Variants in CLNS1A observed in about 807,000 individuals in gnomAD.
CLNS1A encodes the protein chloride nucleotide-sensitive channel 1A, also known as methylosome subunit pICln.
CLNS1A carries 16 observed loss-of-function variants against 29.4 expected under a neutral mutation model. The ratio of observed to expected loss-of-function variants is 0.54; its 90% CI spans 0.37 to 0.83. CLNS1A has a LOEUF of 0.83. CLNS1A is among the 40% of genes least tolerant of loss of function. CLNS1A has a pLI of 0.00. For synonymous variants in CLNS1A, 96 were observed against 104.8 expected (o/e 0.92, Z 0.51); for missense variants, 235 against 287.4 (o/e 0.82, Z 1.32).
chr11:77,624,237 C>T (rs1958992203), intron 4 of CLNS1A, among the ~76,000 whole-genome samples: 1 of 152,106 alleles, frequency 6.6e-6, no homozygotes, highest in African/African-American at 2.4e-5. Flanking sequence ...TGCACACCAG[C>T]CTGGGCATCA....
Position 77,619,665 on chromosome 11 carries a change from A to C in CLNS1A, c.677T>G (p.Val226Gly). Residue 226 changes from valine to glycine, a missense_variant, in exon 6 of 7, where the codon GTT (valine) becomes GGT (glycine). Coordinates refer to ENST00000525428, the MANE Select transcript of CLNS1A (RefSeq NM_001293.3). Reference sequence around the variant, plus strand: ...ATCTGCATCCTCAAACTGTCCAGCAACTGTTGGTGTGGTATCCACCTCCAT... The same window carrying C: ...ATCTGCATCCTCAAACTGTCCAGCACCTGTTGGTGTGGTATCCACCTCCAT... ...DGMEVDTTPTVAGQFEDADVD... is the reference protein window; with the variant it reads ...DGMEVDTTPTGAGQFEDADVD... 2 of 1,614,032 alleles carry C rather than the reference A, an allele frequency of 1.2e-6. No individual in the cohort carries two copies. Among genetic ancestry groups the C allele is most frequent in the Non-Finnish European group, 1.7e-6 (2 of 1,179,914 alleles).
rs542059646 is a variant in CLNS1A at position 77,626,899 on chromosome 11, G to T, written c.263-1081C>A. On this transcript the variant is annotated intron_variant, in intron 2 of 6. Transcript: ENST00000525428. ...TTTAGTAAAGACGGGGTTTCACCGT[G>T]TTAGCCAGAATGGTCTTGATCTCCT... 5.1e-4 allele frequency among the ~76,000 whole-genome samples: 77 copies of T among 150,034 alleles called. No individual in the cohort carries two copies. In the East Asian group the frequency reaches 0.014, roughly 27 times the overall value.
At chr11:77,619,776 G>T in intron 5 of CLNS1A, 81 bp from the exon 6 acceptor site, 3 of 964,370 alleles carry the variant, frequency 3.1e-6, no homozygotes, top group South Asian at 2.6e-5. Context: ...CTACCAGAAG[G>T]AAGCTAGTGC....
rs1387410601 is a variant in CLNS1A, at chr11:77,637,570, C to A, written c.125+20G>T. The A allele has an allele frequency of 6.3e-7, 1 of 1,592,708 alleles. No homozygotes were observed. Among genetic ancestry groups the A allele is most frequent in the Admixed American group, 1.7e-5 (1 of 57,310 alleles). ...GAGGGCGGCGCGCAGGAGGCCAGCG[C>A]TGGGGACCAGGAACCCTACCTCTCA... On this transcript the variant is annotated intron_variant, in intron 1 of 6. Coordinates refer to ENST00000525428, the MANE Select transcript of CLNS1A (RefSeq NM_001293.3).
At position 77,615,429 on chromosome 11, in the gene CLNS1A, A is replaced by G. The variant is rs779553414; in HGVS notation, c.*1289T>C. ...TCAAAAATCACAATTCACTATCTAC[A>G]TGACCTTAAGCAAGTTATTTTACCT... On this transcript the variant is annotated 3_prime_UTR_variant, in exon 7 of 7. Coordinates refer to ENST00000525428, the MANE Select transcript of CLNS1A (RefSeq NM_001293.3). 6.6e-6 allele frequency: 1 copy of G among 152,190 alleles called. No homozygotes were observed. The highest frequency in any genetic ancestry group is 1.5e-5 in the Non-Finnish European group (1 of 68,038). The allele number at this position is 152,190 out of a possible 1,614,324, so 9.4% of individuals were successfully genotyped here. A position where few individuals can be genotyped will look rare whatever the true frequency, so the allele number is the denominator to read the frequency against.
intron 1 of CLNS1A, among the ~76,000 whole-genome samples, chr11:77,636,638 G>A (rs753861398): frequency 6.6e-6 from 1 of 152,134 alleles, no homozygotes; most frequent in South Asian, 2.1e-4. Flanking sequence ...ACAGCAAAAG[G>A]GACTTCACAA....
At chr11:77,619,779 G>A in intron 5 of CLNS1A, 84 bp from the exon 6 acceptor site, 3 of 941,600 alleles carry the variant, frequency 3.2e-6, no homozygotes, top group Non-Finnish European at 5.3e-6. Flanking sequence ...CCAGAAGGAA[G>A]CTAGTGCCCT....
At chr11:77,637,483 C>T (rs560008588) in intron 1 of CLNS1A, 107 bp downstream of exon 1, 1 of 1,410,144 alleles carries the variant, frequency 7.1e-7, no homozygotes, top group Non-Finnish European at 9.4e-7. Context: ...AGACCCCGCT[C>T]CCAGCAGGCC....
At chr11:77,629,609 T>C (rs958532238) in intron 2 of CLNS1A, among the ~76,000 whole-genome samples, 154 bp downstream of exon 2, 12 of 152,232 alleles carry the variant, frequency 7.9e-5, no homozygotes, top group African/African-American at 2.9e-4. Flanking sequence ...TTAGCCAGGA[T>C]GGTCTCGATC....
rs1160741223 is a variant in CLNS1A at position 77,617,855 on chromosome 11, T to C, written c.*23-1160A>G. ...ATCGCTTGAACCCAGGAGACAGAGG[T>C]TGCAGTGAGCCAAGATCACACCACT... On this transcript the variant is annotated intron_variant, in intron 6 of 6. Coordinates refer to ENST00000525428, the MANE Select transcript of CLNS1A (RefSeq NM_001293.3). Among the ~76,000 whole-genome samples the C allele has an allele frequency of 4.6e-5, 7 of 151,036 alleles. No homozygotes were observed. In the East Asian group the frequency reaches 1.4e-3, roughly 29 times the overall value.
intron 1 of CLNS1A, among the ~76,000 whole-genome samples, chr11:77,634,723 CAAA>C (rs763196921): frequency 1.1e-4 from 6 of 54,084 alleles, no homozygotes; most frequent in Non-Finnish European, 7.5e-5. Flanking sequence ...GACTCTGTCT[CAAA>C]AAAAAAAAAA....
At chr11:77,624,632 C>A (rs1042774414) in intron 4 of CLNS1A, among the ~76,000 whole-genome samples, 6 of 152,070 alleles carry the variant, frequency 3.9e-5, no homozygotes, top group African/African-American at 1.4e-4. Flanking sequence ...CCAGCCTGAC[C>A]AACATGGAGA....
chr11:77,629,513 T>C (rs962009390), intron 2 of CLNS1A, among the ~76,000 whole-genome samples: 1 of 151,820 alleles, frequency 6.6e-6, no homozygotes, highest in African/African-American at 2.4e-5. Context: ...CCTGCCTCAG[T>C]CTCCTGAGTA....
Position 77,637,508 on chromosome 11 carries a change from T to C in CLNS1A, c.125+82A>G, listed in dbSNP as rs546476699. The C allele has an allele frequency of 6.1e-6, 9 of 1,479,062 alleles. No individual in the cohort carries two copies. The South Asian group carries it at 1.2e-4, about 20-fold the overall frequency. The allele number at this position is 1,479,062 out of a possible 1,614,324, so 91.6% of individuals were successfully genotyped here. A position where few individuals can be genotyped will look rare whatever the true frequency, so the allele number is the denominator to read the frequency against. On this transcript the variant is annotated intron_variant, in intron 1 of 6. Transcript: ENST00000525428. ...CCCAGCAGGCCTCCAGGCCGCCCCTTGCCCGGCTCCTTCGCACCGCCTGCT... is the reference window on the plus strand; with the variant it reads ...CCCAGCAGGCCTCCAGGCCGCCCCTCGCCCGGCTCCTTCGCACCGCCTGCT...
At chr11:77,630,928 G>C (rs912775021) in intron 1 of CLNS1A, among the ~76,000 whole-genome samples, 4 of 152,144 alleles carry the variant, frequency 2.6e-5, no homozygotes, top group Non-Finnish European at 5.9e-5. Context: ...TCTGTAAACA[G>C]ACTAAAAACT....
At chr11:77,619,779 G>T in intron 5 of CLNS1A, 84 bp from the exon 6 acceptor site, 2 of 941,596 alleles carry the variant, frequency 2.1e-6, no homozygotes, top group Non-Finnish European at 3.5e-6. Flanking sequence ...CCAGAAGGAA[G>T]CTAGTGCCCT....
chr11:77,631,542 C>T (rs1959074755), intron 1 of CLNS1A, among the ~76,000 whole-genome samples: 1 of 151,946 alleles, frequency 6.6e-6, no homozygotes, highest in African/African-American at 2.4e-5. Flanking sequence ...TGGTCTGGAT[C>T]TCCTGACCTC....
intron 1 of CLNS1A, among the ~76,000 whole-genome samples, chr11:77,635,445 G>C (rs189181404): frequency 6.6e-6 from 1 of 150,796 alleles, no homozygotes; most frequent in African/African-American, 2.4e-5. Context: ...TCCGCCTCTC[G>C]GGTTCAAGCG....
At chr11:77,629,709 T>A (rs1010612459) in intron 2 of CLNS1A, 54 bp downstream of exon 2, 50 of 1,580,738 alleles carry the variant, frequency 3.2e-5, no homozygotes, top group Admixed American at 5.1e-5. Context: ...GACTCTTTTT[T>A]AAAATATAAT....
Sources: gnomAD v4.1 joint callset for allele counts (sites outside exome capture counted in the v4.1 genomes callset) on GRCh38, gnomAD v4.1.1 for gene constraint, MANE v1.5 for transcripts, NCBI Gene and HGNC (gene_info 2026-07-23, HGNC 2026-07-21) for gene names.